Variants in FPGS observed in about 807,000 individuals in gnomAD.
FPGS encodes the protein folylpolyglutamate synthase, mitochondrial.
In FPGS, 53 loss-of-function variants were observed where a neutral mutation model predicts 66.5. The ratio of observed to expected loss-of-function variants is 0.80; its 90% CI spans 0.64 to 1.00. The LOEUF (loss-of-function observed/expected upper bound fraction) is 1.00, where lower values mean the gene tolerates loss of function less well. FPGS is among the 50% of genes least tolerant of loss of function. The pLI is 0.00. For synonymous variants in FPGS, 348 were observed against 350.9 expected, an observed-to-expected ratio of 0.99 and a Z score of 0.09; for missense variants, 702 against 807.7, an observed-to-expected ratio of 0.87 and a Z score of 1.59.
At chr9:127,803,086 G>C (rs1181994294) in intron 1 of FPGS, 24 bp downstream of exon 1, 1 of 1,368,240 alleles carries the variant, frequency 7.3e-7, no homozygotes, top group African/African-American at 1.5e-5. Context: ...CAGCGGGCCA[G>C]CGGGCCTGGG....
intron 14 of FPGS, among the ~76,000 whole-genome samples, chr9:127,811,973 G>A (rs1830099929): frequency 6.6e-6 from 1 of 151,946 alleles, no homozygotes; most frequent in Non-Finnish European, 1.5e-5. Context: ...TTGAAATAGT[G>A]TAAAAATTAC....
At chr9:127,806,644 C>T (rs1829819459) in intron 4 of FPGS, 1 of 324,646 alleles carries the variant, frequency 3.1e-6, no homozygotes, top group Non-Finnish European at 5.8e-6. Flanking sequence ...AGCTGTAAGA[C>T]AGATGACATT....
chr9:127,809,979 C>A, intron 12 of FPGS, 52 bp from the exon 13 acceptor site: 1 of 1,546,632 alleles, frequency 6.5e-7, no homozygotes, highest in Non-Finnish European at 8.8e-7. Context: ...GGATTGGTAC[C>A]GCAGGGAGAA....
intron 4 of FPGS, among the ~76,000 whole-genome samples, chr9:127,805,158 G>A (rs1320382191): frequency 2.0e-5 from 3 of 151,848 alleles, no homozygotes; most frequent in Non-Finnish European, 4.4e-5. Context: ...TAAAGTGCTG[G>A]GATTACAGGT....
chr9:127,810,011 G>GCTCCTCAC lies in FPGS; in HGVS notation c.1212-16_1212-9dup, dbSNP rs1448781805. 4 of 1,605,290 alleles carry GCTCCTCAC rather than the reference G, an allele frequency of 2.5e-6. No individual in the cohort carries two copies. Among genetic ancestry groups the GCTCCTCAC allele is most frequent in the Non-Finnish European group, 3.4e-6 (4 of 1,176,512 alleles). The stretch of plus-strand genomic sequence containing the variant: ...AGAACGGGCGGCGCCCTTTGACCCA[G>GCTCCTCAC]CTCCTCACCTCTGTCGCAGTGGCCC... On this transcript the variant is annotated intron_variant, in intron 12 of 14. Transcript: ENST00000373247.
At chr9:127,810,315 G>A (rs1369484875) in intron 13 of FPGS, among the ~76,000 whole-genome samples, 2 of 152,186 alleles carry the variant, frequency 1.3e-5, no homozygotes, top group African/African-American at 4.8e-5. Context: ...CTAGACTCAA[G>A]TCCAGGCTTA....
chr9:127,808,965 TTGGTTTTCTG>T, intron 11 of FPGS, 76 bp downstream of exon 11: 1 of 1,143,362 alleles, frequency 8.7e-7, no homozygotes, highest in Non-Finnish European at 1.2e-6. Context: ...TTTTTTTTTT[TTGGTTTTCTG>T]TTTGGGAGAT....
chr9:127,812,113 G>A (rs1830104985), intron 14 of FPGS, among the ~76,000 whole-genome samples: 1 of 152,114 alleles, frequency 6.6e-6, no homozygotes, highest in Non-Finnish European at 1.5e-5. Flanking sequence ...GCCAGGTGTG[G>A]TGGTGTACAC....
chr9:127,804,493 TC>T lies in FPGS; in HGVS notation c.268-3del, dbSNP rs762378879. On this transcript the variant is annotated splice_region_variant and splice_polypyrimidine_tract_variant and intron_variant, in intron 2 of 14. Coordinates refer to ENST00000373247, the MANE Select transcript of FPGS (RefSeq NM_004957.6). ...CTGAGGCAGGGACCTTGTCTGTCTGTCCCAGGTGGAGGACTTGGACCGGCTG... is the reference window on the plus strand; with the variant it reads ...CTGAGGCAGGGACCTTGTCTGTCTGTCCAGGTGGAGGACTTGGACCGGCTG... 6.2e-7 allele frequency: 1 copy of T among 1,614,062 alleles called. No homozygotes were observed. The highest frequency in any genetic ancestry group is 1.3e-5 in the African/African-American group (1 of 75,012).
chr9:127,807,361 G>C lies in FPGS; in HGVS notation c.580-60G>C. 1 of 1,612,494 alleles carries C rather than the reference G, an allele frequency of 6.2e-7. No homozygotes were observed. Among genetic ancestry groups the C allele is most frequent in the Admixed American group, 1.7e-5 (1 of 60,016 alleles). ...ACCTCAGCAGGCCTGGGGGCTCCCTGCTTCCATGCGGCCTCTGGGCACCCT... is the reference window on the plus strand; with the variant it reads ...ACCTCAGCAGGCCTGGGGGCTCCCTCCTTCCATGCGGCCTCTGGGCACCCT... On this transcript the variant is annotated intron_variant, in intron 6 of 14. Transcript: ENST00000373247. This position sits in a 1 kb window ranked among gnomAD's most constrained non-coding sequence, Gnocchi z 5.8.
chr9:127,810,661 C>T (rs1182319101), intron 13 of FPGS, among the ~76,000 whole-genome samples: 1 of 152,146 alleles, frequency 6.6e-6, no homozygotes, highest in Admixed American at 6.6e-5. Context: ...GGATTTGGGG[C>T]CCCCTCACTA....
In FPGS at chr9:127,810,961, A is replaced by G. The variant is rs1294328255; in HGVS notation, c.1304A>G (p.Tyr435Cys). ...GCCTTCTAGCCCTGCCAGTTTGACT[A>G]TGCCGTCTTCTGCCCTAACCTGACA... is the stretch of plus-strand genomic sequence containing the variant. ...LKLLQPCQFD[Y>C]AVFCPNLTEV... Residue 435 changes from tyrosine to cysteine, a missense_variant, in exon 14 of 15, where the codon TAT becomes TGT. Physicochemically the swap from Tyr to Cys is radical, Grantham distance 194. Coordinates refer to ENST00000373247, the MANE Select transcript of FPGS (RefSeq NM_004957.6). The G allele has an allele frequency of 6.3e-7, 1 of 1,583,414 alleles. No individual in the cohort carries two copies. The highest frequency in any genetic ancestry group is 8.6e-7 in the Non-Finnish European group (1 of 1,162,016).
intron 8 of FPGS, 195 bp from the exon 9 acceptor site, chr9:127,808,039 G>A (rs1047590508): frequency 1.7e-6 from 1 of 589,088 alleles, no homozygotes; most frequent in African/African-American, 1.9e-5. Flanking sequence ...CCGGGAGGCA[G>A]ACGTTGCAGT....
At chr9:127,808,981 G>A in intron 11 of FPGS, 92 bp downstream of exon 11, 1 of 993,326 alleles carries the variant, frequency 1.0e-6, no homozygotes, top group East Asian at 2.6e-5. Context: ...TTCTGTTTGG[G>A]AGATAAGAGA....
At position 127,804,856 on chromosome 9, in the gene FPGS, T is replaced by G. The variant is rs923139756; in HGVS notation, c.386+156T>G. 8.0e-5 allele frequency: 57 copies of G among 710,154 alleles called. No homozygotes were observed. In the Admixed American group the frequency reaches 1.2e-3, roughly 14 times the overall value. 44.0% of individuals were successfully genotyped at this position (710,154 alleles called of 1,614,324 possible). On this transcript the variant is annotated intron_variant, in intron 4 of 14. Coordinates refer to ENST00000373247, the MANE Select transcript of FPGS (RefSeq NM_004957.6). The stretch of plus-strand genomic sequence containing the variant: ...CATTCAATAAACATTCAGTTAGCAC[T>G]TACCATATTGGCCCATGTTTATGGC...
At position 127,804,379 on chromosome 9, in the gene FPGS, C is replaced by G; in HGVS notation, c.233C>G (p.Ala78Gly). The change falls in exon 2 of 15, where the codon GCC (alanine) becomes GGC (glycine). Residue 78 changes from alanine (A) to glycine (G), a missense_variant. Ala to Gly is a moderately conservative substitution (Grantham distance 60). This residue lies in a region of FPGS where 240 missense variants were observed against 348.6 expected (regional missense o/e 0.69). Coordinates refer to ENST00000373247, the MANE Select transcript of FPGS (RefSeq NM_004957.6). ...GGTGACCCTCAGACACAGTTGGAAG[C>G]CATGGAACTGTACCTGGCACGGAGT... Reference protein sequence around the residue: ...QRGDPQTQLEAMELYLARSGL... With the variant: ...QRGDPQTQLEGMELYLARSGL... 6.2e-7 allele frequency: 1 copy of G among 1,614,196 alleles called. No individual in the cohort carries two copies. Among genetic ancestry groups the G allele is most frequent in the Non-Finnish European group, 8.5e-7 (1 of 1,180,020 alleles).
chr9:127,808,930 G>A (rs1829946528), intron 11 of FPGS, 41 bp downstream of exon 11: 5 of 1,305,928 alleles, frequency 3.8e-6, no homozygotes, highest in Non-Finnish European at 5.3e-6. Flanking sequence ...CACTGCGTGT[G>A]TCTGTGCCCC....
rs759567528 is a variant in FPGS at position 127,807,338 on chromosome 9, C to T, written c.579+52C>T. On this transcript the variant is annotated intron_variant, in intron 6 of 14. Coordinates refer to ENST00000373247, the MANE Select transcript of FPGS (RefSeq NM_004957.6). The surrounding 1 kb of genome is among the most constrained non-coding windows in gnomAD (Gnocchi z 5.8). ...CATCTGAGGCCTTGGGAACGGGAAC[C>T]TCAGCAGGCCTGGGGGCTCCCTGCT... 39 of 1,612,524 alleles carry T rather than the reference C, an allele frequency of 2.4e-5. 1 individual carries two copies. Among genetic ancestry groups the T allele is most frequent in the Non-Finnish European group, 2.4e-5 (28 of 1,178,720 alleles).
intron 13 of FPGS, 65 bp downstream of exon 13, chr9:127,810,171 C>A: frequency 7.3e-7 from 1 of 1,363,040 alleles, no homozygotes; most frequent in Non-Finnish European, 1.0e-6. Flanking sequence ...CGGTGTGACC[C>A]TGGGGGGTGC....
Sources: allele counts gnomAD v4.1 joint callset (sites outside exome capture counted in the v4.1 genomes callset), GRCh38; gene constraint gnomAD v4.1.1; regional missense constraint gnomAD v4.1.1; non-coding constraint Gnocchi (gnomAD v3.1); transcripts MANE v1.5; gene names NCBI Gene and HGNC (gene_info 2026-07-23, HGNC 2026-07-21).